NUDT14: variants seen among roughly 807,000 people sequenced by gnomAD.
NUDT14 encodes the protein uridine diphosphate glucose pyrophosphatase NUDT14.
In NUDT14, 22 loss-of-function variants were observed where a neutral mutation model predicts 17.5. The ratio of observed to expected loss-of-function variants is 1.26; its 90% CI spans 0.90 to 1.80. NUDT14 has a LOEUF of 1.80. Ranked by LOEUF, NUDT14 falls within the 40% of genes most tolerant of loss-of-function variation. The pLI is 0.00. For synonymous variants in NUDT14, 129 were observed against 125.8 expected, an observed-to-expected ratio of 1.03 and a Z score of -0.17; for missense variants, 296 against 295.6, an observed-to-expected ratio of 1.00 and a Z score of -0.01.
At chr14:105,178,315 G>C (rs1223068221) in intron 1 of NUDT14, among the ~76,000 whole-genome samples, 1 of 152,078 alleles carries the variant, frequency 6.6e-6, no homozygotes. Context: ...GCAGGACTCG[G>C]TGACTGTCAT....
Position 105,181,170 on chromosome 14 carries a change from C to A in NUDT14, c.40G>T (p.Ala14Ser). Residue 14 changes from alanine (A) to serine (S), a missense_variant, in exon 1 of 5, where the codon GCC (alanine) becomes TCC (serine). Transcript: ENST00000392568. This position sits in a 1 kb window ranked among gnomAD's most constrained non-coding sequence, Gnocchi z 5.0. ...IEGASVGRCA[A>S]SPYLRPLTLH... is the part of the protein sequence containing the mutation. ...GTGAGCGGCCGCAGGTAGGGTGAGG[C>A]GGCGCAGCGGCCCACGGACGCCCCC... The A allele has an allele frequency of 1.7e-6, 2 of 1,178,984 alleles. No homozygotes were observed. Among genetic ancestry groups the A allele is most frequent in the Non-Finnish European group, 2.1e-6 (2 of 945,976 alleles). 73.0% of individuals were successfully genotyped at this position (1,178,984 alleles called of 1,614,324 possible).
rs931428758 is a variant in NUDT14 at position 105,173,427 on chromosome 14, G to A, written c.429-166C>T. 13 of 671,956 alleles carry A rather than the reference G, an allele frequency of 1.9e-5. No individual in the cohort carries two copies. The highest frequency in any genetic ancestry group is 2.4e-5 in the Non-Finnish European group (11 of 459,866). 41.6% of individuals were successfully genotyped at this position (671,956 alleles called of 1,614,324 possible). On this transcript the variant is annotated intron_variant, in intron 4 of 4. Coordinates refer to ENST00000392568, the MANE Select transcript of NUDT14 (RefSeq NM_177533.5). This position sits in a 1 kb window ranked among gnomAD's most constrained non-coding sequence, Gnocchi z 4.7. ...ACCCGGATTCCCACCTGGTGTGCAC[G>A]CCCGTGGCCCCTCCCGCAGCAGGGC...
chr14:105,175,253 G>A (rs1266838626), intron 4 of NUDT14, among the ~76,000 whole-genome samples: 1 of 152,220 alleles, frequency 6.6e-6, no homozygotes, highest in African/African-American at 2.4e-5. Flanking sequence ...ATGCCTCCCG[G>A]CTGTGCTCAG....
At position 105,177,173 on chromosome 14, in the gene NUDT14, C is replaced by G. The variant is rs774066271; in HGVS notation, c.126-146G>C. The G allele has an allele frequency of 1.6e-5, 12 of 732,596 alleles. No homozygotes were observed. The South Asian group carries it at 1.9e-4, about 11-fold the overall frequency. 45.4% of individuals were successfully genotyped at this position (732,596 alleles called of 1,614,324 possible). A position where few individuals can be genotyped will look rare whatever the true frequency, so the allele number is the denominator to read the frequency against. On this transcript the variant is annotated intron_variant, in intron 2 of 4. Coordinates refer to ENST00000392568, the MANE Select transcript of NUDT14 (RefSeq NM_177533.5). ...CAGGCCCCTTGCTCAGATAGGATGGCTGAGGCCCAGGCGGGACCAGAGCTT... is the reference window on the plus strand; with the variant it reads ...CAGGCCCCTTGCTCAGATAGGATGGGTGAGGCCCAGGCGGGACCAGAGCTT...
rs1029848878 is a variant in NUDT14, at chr14:105,177,098, T to C, written c.126-71A>G. The C allele has an allele frequency of 1.1e-4, 169 of 1,469,648 alleles. No homozygotes were observed. The Admixed American group carries it at 1.2e-3, about 10-fold the overall frequency. The allele number at this position is 1,469,648 out of a possible 1,614,324, so 91.0% of individuals were successfully genotyped here. On this transcript the variant is annotated intron_variant, in intron 2 of 4. Transcript: ENST00000392568. ...CTCGTGGGGCCCCACCTCCCATCTT[T>C]CTGTTCCCAGCGTGGCCATCCCACC...
Position 105,173,428 on chromosome 14 carries a change from C to T in NUDT14, c.429-167G>A, listed in dbSNP as rs990904043. The T allele has an allele frequency of 9.1e-6, 6 of 656,608 alleles. No individual in the cohort carries two copies. The highest frequency in any genetic ancestry group is 4.0e-5 in the Admixed American group (1 of 25,010). The allele number at this position is 656,608 out of a possible 1,614,324, so 40.7% of individuals were successfully genotyped here. On this transcript the variant is annotated intron_variant, in intron 4 of 4. Coordinates refer to ENST00000392568, the MANE Select transcript of NUDT14 (RefSeq NM_177533.5). This position sits in a 1 kb window ranked among gnomAD's most constrained non-coding sequence, Gnocchi z 4.7. The stretch of plus-strand genomic sequence containing the variant: ...CCCGGATTCCCACCTGGTGTGCACG[C>T]CCGTGGCCCCTCCCGCAGCAGGGCA...
At chr14:105,174,439 C>T (rs1341601890) in intron 4 of NUDT14, among the ~76,000 whole-genome samples, 1 of 152,022 alleles carries the variant, frequency 6.6e-6, no homozygotes, top group Non-Finnish European at 1.5e-5. Context: ...CAGCCGGAGG[C>T]CTGCAGGGTA....
chr14:105,178,021 G>C (rs966522558), intron 1 of NUDT14, among the ~76,000 whole-genome samples: 8 of 152,146 alleles, frequency 5.3e-5, no homozygotes, highest in Non-Finnish European at 1.0e-4. Flanking sequence ...AGCACAGACC[G>C]AGCACAAGGG....
chr14:105,174,602 C>T (rs1476192601), intron 4 of NUDT14, among the ~76,000 whole-genome samples: 5 of 152,212 alleles, frequency 3.3e-5, no homozygotes, highest in African/African-American at 7.2e-5. Flanking sequence ...CCTCACCTCC[C>T]GCAGACCCCT....
In NUDT14 at chr14:105,179,102, A is replaced by G. The variant is rs149001802; in HGVS notation, c.82-1367T>C. ...CCTTCCCCACCACTGCTTCCCCCCG[A>G]GTAACATCACCCCATGCAGGTCTCA... is the stretch of plus-strand genomic sequence containing the variant. On this transcript the variant is annotated intron_variant, in intron 1 of 4. Coordinates refer to ENST00000392568, the MANE Select transcript of NUDT14 (RefSeq NM_177533.5). Among the ~76,000 whole-genome samples, 276 of 152,124 alleles carry G rather than the reference A, an allele frequency of 1.8e-3. 1 individual carries two copies. The highest frequency in any genetic ancestry group is 3.1e-3 in the Non-Finnish European group (213 of 67,982).
chr14:105,179,887 C>A (rs1043894781), intron 1 of NUDT14, among the ~76,000 whole-genome samples: 4 of 152,148 alleles, frequency 2.6e-5, no homozygotes, highest in African/African-American at 9.7e-5. Flanking sequence ...GGGGCAGAGT[C>A]CTGGATGTGA....
At position 105,173,806 on chromosome 14, in the gene NUDT14, C is replaced by T. The variant is rs1889156771; in HGVS notation, c.429-545G>A. The T allele has an allele frequency of 6.6e-6, 1 of 151,494 alleles. No individual in the cohort carries two copies. The highest frequency in any genetic ancestry group is 1.5e-5 in the Non-Finnish European group (1 of 67,960). The allele number at this position is 151,494 out of a possible 1,614,324, so 9.4% of individuals were successfully genotyped here. A position where few individuals can be genotyped will look rare whatever the true frequency, so the allele number is the denominator to read the frequency against. The stretch of plus-strand genomic sequence containing the variant: ...GGCTGACAACCTGCCTGCAACCTGT[C>T]AAGGCCAAGCAGAAGACCCCACCCC... On this transcript the variant is annotated intron_variant, in intron 4 of 4. Coordinates refer to ENST00000392568, the MANE Select transcript of NUDT14 (RefSeq NM_177533.5). This position sits in a 1 kb window ranked among gnomAD's most constrained non-coding sequence, Gnocchi z 4.7.
chr14:105,176,288 G>T (rs180719266), intron 4 of NUDT14: 11 of 582,432 alleles, frequency 1.9e-5, no homozygotes, highest in Admixed American at 9.1e-5. Context: ...GCTGTCACCC[G>T]GCCTGCCTCA....
Position 105,173,356 on chromosome 14 carries a change from C to G in NUDT14, c.429-95G>C, listed in dbSNP as rs1252936792. The G allele has an allele frequency of 3.0e-6, 4 of 1,335,026 alleles. No homozygotes were observed. The African/African-American group carries it at 6.0e-5, about 20-fold the overall frequency. 82.7% of individuals were successfully genotyped at this position (1,335,026 alleles called of 1,614,324 possible). ...CCTCCAACCCACCCTCTCCACTCTG[C>G]TCCCTCCAGCCCTCCAGTAGGCAGG... On this transcript the variant is annotated intron_variant, in intron 4 of 4. Transcript: ENST00000392568. The surrounding 1 kb of genome is among the most constrained non-coding windows in gnomAD (Gnocchi z 4.7).
chr14:105,175,942 C>T, intron 4 of NUDT14: 6 of 1,258,938 alleles, frequency 4.8e-6, no homozygotes, highest in Non-Finnish European at 5.2e-6. Flanking sequence ...ACACCCTCCT[C>T]CTTCCCCAAG....
At chr14:105,179,259 C>T (rs190836277) in intron 1 of NUDT14, among the ~76,000 whole-genome samples, 7 of 152,332 alleles carry the variant, frequency 4.6e-5, no homozygotes, top group East Asian at 1.9e-4. Flanking sequence ...AAGACCCCAT[C>T]GCCTCGGAGC....
chr14:105,176,339 G>A (rs1348016057), intron 4 of NUDT14, 195 bp downstream of exon 4: 6 of 614,816 alleles, frequency 9.8e-6, no homozygotes, highest in Admixed American at 5.6e-5. Context: ...GGGCCGAGAC[G>A]CTGCAGAGAG....
intron 1 of NUDT14, among the ~76,000 whole-genome samples, chr14:105,179,389 T>C (rs1022464362): frequency 9.2e-5 from 14 of 152,326 alleles, no homozygotes; most frequent in Non-Finnish European, 1.8e-4. Flanking sequence ...CCAATGTCCC[T>C]TGGCCCTGAG....
chr14:105,176,874 C>T (rs1338038378), intron 3 of NUDT14, 89 bp downstream of exon 3: 9 of 1,546,540 alleles, frequency 5.8e-6, no homozygotes, highest in Admixed American at 5.1e-5. Flanking sequence ...TCCCCTGGAG[C>T]CCCCTCCCAC....
Sources: gnomAD v4.1 joint callset for allele counts (sites outside exome capture counted in the v4.1 genomes callset) on GRCh38, gnomAD v4.1.1 for gene constraint, Gnocchi (gnomAD v3.1) non-coding constraint, MANE v1.5 for transcripts, NCBI Gene and HGNC (gene_info 2026-07-23, HGNC 2026-07-21) for gene names.